The following IDO2 variants were observed in gnomAD, a reference collection of about 807,000 sequenced individuals.
The protein encoded by IDO2 is indoleamine 2,3-dioxygenase-like 1 protein.
In IDO2, 46 loss-of-function variants were observed where a neutral mutation model predicts 45.1. The observed-to-expected ratio is 1.02, with a 90% CI of 0.80 to 1.30. IDO2 has a LOEUF of 1.30. Ranked by LOEUF, IDO2 falls within the 50% of genes most tolerant of loss-of-function variation. The probability of loss-of-function intolerance (pLI) is 0.00; values close to 1 mark genes in which losing one functional copy is unlikely to be tolerated. For missense variants in IDO2, 544 were observed against 491.8 expected (o/e 1.11, Z -1.00); for synonymous variants, 218 against 184.9 (o/e 1.18, Z -1.45).
chr8:39,948,045 A>G (rs1453775769), intron 1 of IDO2, among the ~76,000 whole-genome samples: 1 of 150,938 alleles, frequency 6.6e-6, no homozygotes, highest in East Asian at 1.9e-4. Context: ...TGGCCTTCCA[A>G]AGTGCCTTGG....
chr8:40,001,768 C>A (rs551330537), intron 8 of IDO2, among the ~76,000 whole-genome samples: 6 of 152,088 alleles, frequency 3.9e-5, no homozygotes, highest in African/African-American at 1.4e-4. Flanking sequence ...GAAATTATCC[C>A]ATCATCATAA....
chr8:39,987,910 C>G (rs1045814856), exon 7 of IDO2: 2 of 1,611,416 alleles, frequency 1.2e-6, no homozygotes, highest in East Asian at 2.2e-5. Flanking sequence ...GGGGAGAGAG[C>G]CTGCATGGTT....
chr8:39,967,410 A>G (rs1808103541), intron 3 of IDO2, among the ~76,000 whole-genome samples: 1 of 152,226 alleles, frequency 6.6e-6, no homozygotes, highest in Non-Finnish European at 1.5e-5. Context: ...TATTCATAGA[A>G]AACAAAAATG....
At chr8:40,014,758 G>C (rs536186627) in intron 10 of IDO2, among the ~76,000 whole-genome samples, 17 of 152,166 alleles carry the variant, frequency 1.1e-4, no homozygotes, top group Non-Finnish European at 2.1e-4. Context: ...TCAACTGTTA[G>C]AAATATACAT....
intron 2 of IDO2, among the ~76,000 whole-genome samples, chr8:39,959,681 G>C (rs1425035094): frequency 6.6e-6 from 1 of 152,070 alleles, no homozygotes; most frequent in Non-Finnish European, 1.5e-5. Flanking sequence ...AAATTAGCCA[G>C]GCATGGTGAC....
chr8:40,013,331 TCTG>T (rs1376168765), intron 9 of IDO2, among the ~76,000 whole-genome samples: 2 of 152,196 alleles, frequency 1.3e-5, no homozygotes, highest in East Asian at 3.8e-4. Context: ...CCTTTACCTC[TCTG>T]GAATAACCCT....
intron 1 of IDO2, among the ~76,000 whole-genome samples, chr8:39,941,464 C>A (rs1367899812): frequency 1.3e-5 from 2 of 152,114 alleles, no homozygotes; most frequent in African/African-American, 2.4e-5. Context: ...AGATTTTGGA[C>A]ATAATGCCAG....
At chr8:39,961,690 T>C (rs1808000137) in intron 2 of IDO2, among the ~76,000 whole-genome samples, 1 of 152,192 alleles carries the variant, frequency 6.6e-6, no homozygotes, top group Non-Finnish European at 1.5e-5. Flanking sequence ...CTCAGCACAG[T>C]CATATCTTTT....
chr8:39,980,302 A>G (rs1808324192), intron 4 of IDO2, among the ~76,000 whole-genome samples: 1 of 152,214 alleles, frequency 6.6e-6, no homozygotes. Flanking sequence ...TTAGTGGAAA[A>G]GCCAAGGCCA....
At chr8:39,972,374 C>T (rs532547852) in intron 3 of IDO2, among the ~76,000 whole-genome samples, 8 of 152,040 alleles carry the variant, frequency 5.3e-5, no homozygotes, top group East Asian at 1.9e-4. Flanking sequence ...TTTGGGAAGC[C>T]GAGGCAGGCG....
intron 2 of IDO2, among the ~76,000 whole-genome samples, chr8:39,949,546 G>T (rs139741766): frequency 1.5e-4 from 23 of 152,200 alleles, no homozygotes; most frequent in African/African-American, 5.5e-4. Flanking sequence ...TCAAGAAAAA[G>T]CATGAACTTA....
At chr8:39,990,611 C>T (rs909592300) in intron 8 of IDO2, among the ~76,000 whole-genome samples, 7 of 152,194 alleles carry the variant, frequency 4.6e-5, no homozygotes, top group Non-Finnish European at 8.8e-5. Flanking sequence ...ATGCTCATAG[C>T]CAAGGTTAAT....
intron 2 of IDO2, among the ~76,000 whole-genome samples, chr8:39,955,801 A>T (rs1345538516): frequency 2.0e-5 from 3 of 152,246 alleles, no homozygotes; most frequent in African/African-American, 7.2e-5. Flanking sequence ...TTGTCAAAAT[A>T]CTGTCCCCAA....
At chr8:39,983,047 G>A (rs1322238197) in intron 5 of IDO2, among the ~76,000 whole-genome samples, 1 of 152,098 alleles carries the variant, frequency 6.6e-6, no homozygotes. Context: ...GCTTTTATTT[G>A]TTCTTTCTCT....
chr8:39,943,480 G>C (rs939275967), intron 1 of IDO2, among the ~76,000 whole-genome samples: 1 of 152,150 alleles, frequency 6.6e-6, no homozygotes, highest in African/African-American at 2.4e-5. Flanking sequence ...GCTCAAGCCT[G>C]TAATCCCAGC....
chr8:40,004,661 A>G (rs1440894044), intron 8 of IDO2, among the ~76,000 whole-genome samples: 1 of 148,120 alleles, frequency 6.8e-6, no homozygotes, highest in Non-Finnish European at 1.5e-5. Context: ...GAGGGGTCCC[A>G]CTACGTGAAA....
chr8:39,968,335 C>G (rs968295025), intron 3 of IDO2, among the ~76,000 whole-genome samples: 1 of 152,076 alleles, frequency 6.6e-6, no homozygotes, highest in Admixed American at 6.6e-5. Context: ...TTAAATATAG[C>G]TTTATGGTTA....
At chr8:40,005,298 T>C (rs1382520165) in intron 8 of IDO2, 29 bp from the exon 9 acceptor site, 16 of 1,541,130 alleles carry the variant, frequency 1.0e-5, no homozygotes, top group Admixed American at 3.6e-5. Flanking sequence ...TTGCCTGTAG[T>C]AAAGTTCACA....
intron 1 of IDO2, among the ~76,000 whole-genome samples, chr8:39,940,703 G>T (rs1807629320): frequency 6.6e-6 from 1 of 151,834 alleles, no homozygotes; most frequent in Admixed American, 6.6e-5. Flanking sequence ...CTATAATTTT[G>T]TACCCACTAA....
Sources: allele counts gnomAD v4.1 joint callset (sites outside exome capture counted in the v4.1 genomes callset), GRCh38; gene constraint gnomAD v4.1.1; transcripts MANE v1.5; gene names NCBI Gene and HGNC (gene_info 2026-07-23, HGNC 2026-07-21).